The following ABCA1 variants were observed in gnomAD, a reference collection of about 807,000 sequenced individuals.
ABCA1 encodes the protein ATP binding cassette subfamily A member 1, also known as phospholipid-transporting ATPase ABCA1.
ABCA1 carries 133 observed loss-of-function variants against 262.5 expected under a neutral mutation model. The ratio of observed to expected loss-of-function variants is 0.51; its 90% CI spans 0.44 to 0.59. The LOEUF (loss-of-function observed/expected upper bound fraction) is 0.59. Ranked by LOEUF, ABCA1 falls within the 20% of genes least tolerant of loss-of-function variation. ABCA1 has a pLI of 0.00. For synonymous variants in ABCA1, 1,022 were observed against 1,043.5 expected (o/e 0.98, Z 0.40); for missense variants, 2,452 against 2,777.5 (o/e 0.88, Z 2.63).
chr9:104,827,209 A>G, intron 15 of ABCA1, 40 bp from the exon 16 acceptor site: 2 of 1,528,038 alleles, frequency 1.3e-6, no homozygotes, highest in Non-Finnish European at 1.8e-6. Flanking sequence ...TGCCTCAACA[A>G]TCCCAAGCAC....
rs139042654 is a variant in ABCA1, at chr9:104,922,998, T to A, written c.-93+4937A>T. On this transcript the variant is annotated intron_variant, in intron 1 of 49. Coordinates refer to ENST00000374736, the MANE Select transcript of ABCA1 (RefSeq NM_005502.4). ...TCCCAAAGTGCTGGGAATACAACAATGAGCCAGTGCACCCAGCCAACAAGG... is the reference window on the plus strand; with the variant it reads ...TCCCAAAGTGCTGGGAATACAACAAAGAGCCAGTGCACCCAGCCAACAAGG... Among the ~76,000 whole-genome samples the A allele has an allele frequency of 9.7e-3, 1,472 of 152,330 alleles. 17 individuals carry two copies. The highest frequency in any genetic ancestry group is 0.014 in the Non-Finnish European group (939 of 68,034).
intron 5 of ABCA1, among the ~76,000 whole-genome samples, chr9:104,874,955 C>A (rs1374132145): frequency 2.0e-5 from 3 of 149,398 alleles, no homozygotes; most frequent in Non-Finnish European, 4.5e-5. Flanking sequence ...AAGTGAGGAG[C>A]CCCTCTACCC....
At chr9:104,794,979 T>G (rs1829771909) in intron 39 of ABCA1, among the ~76,000 whole-genome samples, 2 of 152,318 alleles carry the variant, frequency 1.3e-5, no homozygotes, top group Middle Eastern at 3.4e-3. Context: ...ATACGCTGGA[T>G]GCACTGTGCT....
At position 104,832,571 on chromosome 9, in the gene ABCA1, C is replaced by T. The variant is rs1833439756; in HGVS notation, c.1509+3G>A. The T allele has an allele frequency of 1.2e-6, 2 of 1,614,154 alleles. No homozygotes were observed. The highest frequency in any genetic ancestry group is 4.5e-5 in the East Asian group (2 of 44,882). Reference sequence around the variant, plus strand: ...TTCTAAATGATCCCAGCAACAGATTCACCTCCATGAAGCGAGATATGGTCC... The same window carrying T: ...TTCTAAATGATCCCAGCAACAGATTTACCTCCATGAAGCGAGATATGGTCC... On this transcript the variant is annotated splice_donor_region_variant and intron_variant, in intron 12 of 49. Transcript: ENST00000374736.
intron 36 of ABCA1, 162 bp downstream of exon 36, chr9:104,799,657 C>T (rs1313881992): frequency 8.1e-6 from 8 of 985,232 alleles, no homozygotes; most frequent in East Asian, 1.1e-4. Context: ...CCAGCCAATT[C>T]GTAAACTTAT....
intron 19 of ABCA1, 27 bp downstream of exon 19, chr9:104,822,469 T>C: frequency 6.2e-7 from 1 of 1,612,486 alleles, no homozygotes; most frequent in Non-Finnish European, 8.5e-7. Context: ...TGTGGCTGAT[T>C]CTGCGGGAAC....
chr9:104,918,457 T>C (rs1841964180), intron 1 of ABCA1, among the ~76,000 whole-genome samples: 1 of 152,134 alleles, frequency 6.6e-6, no homozygotes, highest in Non-Finnish European at 1.5e-5. Context: ...CAGAAAGAGA[T>C]CATTAATGGT....
intron 1 of ABCA1, among the ~76,000 whole-genome samples, chr9:104,919,482 T>C (rs7861141): frequency 0.14 from 21,002 of 152,012 alleles, 2,112 homozygotes; most frequent in African/African-American, 0.29. Context: ...CATGGTGGCA[T>C]ACGCCTGTAG....
At chr9:104,886,094 T>G (rs1223792140) in intron 3 of ABCA1, among the ~76,000 whole-genome samples, 1 of 152,140 alleles carries the variant, frequency 6.6e-6, no homozygotes, top group Non-Finnish European at 1.5e-5. Flanking sequence ...GAGTGCCTGG[T>G]GTAGGACAAA....
intron 1 of ABCA1, among the ~76,000 whole-genome samples, chr9:104,919,784 A>G (rs1226417612): frequency 6.6e-6 from 1 of 152,220 alleles, no homozygotes. Context: ...TTTGCATTTC[A>G]GATGAGAACC....
chr9:104,905,533 C>A (rs567203291), intron 1 of ABCA1, among the ~76,000 whole-genome samples: 5 of 152,198 alleles, frequency 3.3e-5, no homozygotes, highest in Admixed American at 2.0e-4. Flanking sequence ...GCTCAGCAAA[C>A]TTCTAGAAGG....
chr9:104,814,399 G>A (rs574392350), intron 26 of ABCA1, 28 bp downstream of exon 26: 15 of 1,610,720 alleles, frequency 9.3e-6, no homozygotes, highest in African/African-American at 2.7e-5. Flanking sequence ...ACTATCTTAA[G>A]TGTGCCATTC....
intron 5 of ABCA1, among the ~76,000 whole-genome samples, chr9:104,875,344 T>A (rs144856495): frequency 0.011 from 1,265 of 115,036 alleles, 21 homozygotes; most frequent in African/African-American, 0.043. Flanking sequence ...AGAGTGAGAC[T>A]CCATCTCAAA....
chr9:104,881,634 T>C (rs1838665561), intron 5 of ABCA1, among the ~76,000 whole-genome samples: 1 of 152,178 alleles, frequency 6.6e-6, no homozygotes, highest in African/African-American at 2.4e-5. Context: ...TAATGTATGC[T>C]AGCACTTTCC....
At chr9:104,881,147 T>TAAAAG (rs538102467) in intron 5 of ABCA1, among the ~76,000 whole-genome samples, 243 of 152,074 alleles carry the variant, frequency 1.6e-3, no homozygotes, top group African/African-American at 4.4e-3. Context: ...GGCTCTGTCT[T>TAAAAG]AAAAGAAAAG....
intron 30 of ABCA1, among the ~76,000 whole-genome samples, chr9:104,807,012 T>A (rs939978832): frequency 6.6e-6 from 1 of 152,184 alleles, no homozygotes; most frequent in Non-Finnish European, 1.5e-5. Context: ...GCAAAAGCGA[T>A]GGCAAGTGCA....
At chr9:104,918,825 CAA>C (rs1183365737) in intron 1 of ABCA1, among the ~76,000 whole-genome samples, 1 of 152,146 alleles carries the variant, frequency 6.6e-6, no homozygotes, top group Admixed American at 6.5e-5. Context: ...GCCTTTATGT[CAA>C]AGTGTATCAC....
At chr9:104,911,386 C>T (rs752627464) in intron 1 of ABCA1, among the ~76,000 whole-genome samples, 7 of 152,158 alleles carry the variant, frequency 4.6e-5, no homozygotes, top group Non-Finnish European at 7.3e-5. Flanking sequence ...GTCTTTGGAT[C>T]GGTAGCCACG....
chr9:104,904,466 G>T (rs1275187178), intron 1 of ABCA1, among the ~76,000 whole-genome samples: 1 of 151,612 alleles, frequency 6.6e-6, no homozygotes, highest in African/African-American at 2.4e-5. Flanking sequence ...TACTTGGGAG[G>T]CTGAGGCAGG....
Sources: gnomAD v4.1 joint callset for allele counts (sites outside exome capture counted in the v4.1 genomes callset) on GRCh38, gnomAD v4.1.1 for gene constraint, MANE v1.5 for transcripts, NCBI Gene and HGNC (gene_info 2026-07-23, HGNC 2026-07-21) for gene names.